RABGAP1L: variants seen among roughly 807,000 people sequenced by gnomAD.
RABGAP1L encodes the protein RAB GTPase activating protein 1 like, also known as rab GTPase-activating protein 1-like.
In RABGAP1L, 63 loss-of-function variants were observed where a neutral mutation model predicts 137.7. The observed-to-expected ratio is 0.46, with a 90% CI of 0.37 to 0.56. RABGAP1L has a LOEUF of 0.56. RABGAP1L is among the 20% of genes least tolerant of loss of function. The pLI is 0.00. For missense variants in RABGAP1L, 1,095 were observed against 1,244.0 expected, an observed-to-expected ratio of 0.88 and a Z score of 1.80; for synonymous variants, 431 against 433.7, an observed-to-expected ratio of 0.99 and a Z score of 0.08.
At chr1:174,610,336 G>C (rs1182730906) in intron 13 of RABGAP1L, among the ~76,000 whole-genome samples, 1 of 151,226 alleles carries the variant, frequency 6.6e-6, no homozygotes, top group Admixed American at 6.6e-5. Context: ...ATAGTTTACT[G>C]AGAATGATGA....
At chr1:174,888,559 A>T (rs1443335396) in intron 19 of RABGAP1L, among the ~76,000 whole-genome samples, 2 of 152,064 alleles carry the variant, frequency 1.3e-5, no homozygotes, top group Non-Finnish European at 2.9e-5. Flanking sequence ...TTTATTTTGG[A>T]AACAGAATCT....
At position 174,763,292 on chromosome 1, in the gene RABGAP1L, G is replaced by T. The variant is rs1382934717; in HGVS notation, c.2211+10938G>T. Among the ~76,000 whole-genome samples, 5 of 151,886 alleles carry T rather than the reference G, an allele frequency of 3.3e-5. No homozygotes were observed. In the East Asian group the frequency reaches 9.8e-4, roughly 30 times the overall value. ...CCAGCACTTTGGGAGGCTGAGGTGG[G>T]TGGATCAGAGGTCAGGAGATCGAGA... On this transcript the variant is annotated intron_variant, in intron 18 of 25. Transcript: ENST00000681986.
chr1:174,383,606 C>G (rs570548291), intron 12 of RABGAP1L, among the ~76,000 whole-genome samples: 5 of 152,352 alleles, frequency 3.3e-5, no homozygotes, highest in Non-Finnish European at 5.9e-5. Flanking sequence ...TCCCTGACCC[C>G]TTGCGCTTCC....
At position 174,636,765 on chromosome 1, in the gene RABGAP1L, G is replaced by GGA. The variant is rs1193727753; in HGVS notation, c.1711-600_1711-599dup. Among the ~76,000 whole-genome samples, 9 of 152,052 alleles carry GGA rather than the reference G, an allele frequency of 5.9e-5. No homozygotes were observed. The East Asian group carries it at 1.7e-3, about 29-fold the overall frequency. On this transcript the variant is annotated intron_variant, in intron 13 of 25. Coordinates refer to ENST00000681986, the MANE Select transcript of RABGAP1L (RefSeq NM_001366446.1). ...GAGTATGTATTGGAATGACAGTTCT[G>GGA]GAGAGAGAGAGTACATTCATCAAAA...
At chr1:174,695,807 A>G (rs1679209413) in intron 15 of RABGAP1L, among the ~76,000 whole-genome samples, 1 of 152,240 alleles carries the variant, frequency 6.6e-6, no homozygotes, top group South Asian at 2.1e-4. Flanking sequence ...CACTGAAGCC[A>G]TATCTGCTTT....
chr1:174,161,305 C>T (rs1664426148), intron 1 of RABGAP1L, among the ~76,000 whole-genome samples: 2 of 151,780 alleles, frequency 1.3e-5, no homozygotes, highest in Admixed American at 6.6e-5. Flanking sequence ...TGCAACAGCG[C>T]GATCTCGGCT....
chr1:174,735,538 G>A (rs1682857681), intron 17 of RABGAP1L, among the ~76,000 whole-genome samples: 1 of 141,988 alleles, frequency 7.0e-6, no homozygotes, highest in African/African-American at 2.7e-5. Flanking sequence ...CTTGAACCTG[G>A]GAGGCAGAGG....
chr1:174,841,286 G>A (rs1693367473), intron 19 of RABGAP1L, among the ~76,000 whole-genome samples: 1 of 152,084 alleles, frequency 6.6e-6, no homozygotes, highest in Admixed American at 6.5e-5. Context: ...AGCATTCTGT[G>A]ATCTCATTGC....
rs116220722 is a variant in RABGAP1L at position 174,581,031 on chromosome 1, C to T, written c.1711-56344C>T. ...CTGTAATCAAAAAGTCGAGTGTTGG[C>T]AAGGATGTAGAGAAATTGGGACCCT... On this transcript the variant is annotated intron_variant, in intron 13 of 25. Transcript: ENST00000681986. Among the ~76,000 whole-genome samples the T allele has an allele frequency of 9.5e-3, 1,449 of 152,198 alleles. 25 individuals are homozygous for T. The highest frequency in any genetic ancestry group is 0.033 in the African/African-American group (1,390 of 41,536).
At position 174,494,736 on chromosome 1, in the gene RABGAP1L, C is replaced by A. The variant is rs1483559224; in HGVS notation, c.1710+100591C>A. The stretch of plus-strand genomic sequence containing the variant: ...TTATACATATTTGCTCCGACTCTAC[C>A]TTTCACTGTGGGTTTCATTTACCCT... On this transcript the variant is annotated intron_variant, in intron 13 of 25. Coordinates refer to ENST00000681986, the MANE Select transcript of RABGAP1L (RefSeq NM_001366446.1). Among the ~76,000 whole-genome samples the A allele has an allele frequency of 6.6e-5, 10 of 152,262 alleles. No individual in the cohort carries two copies. The East Asian group carries it at 1.9e-3, about 29-fold the overall frequency.
intron 13 of RABGAP1L, among the ~76,000 whole-genome samples, chr1:174,508,602 T>C (rs2147792320): frequency 6.6e-6 from 1 of 152,286 alleles, no homozygotes; most frequent in Non-Finnish European, 1.5e-5. Flanking sequence ...CCCAGTTCCC[T>C]ATTTGAGAGA....
Position 174,381,125 on chromosome 1 carries a change from CT to C in RABGAP1L, c.1559+10054del, listed in dbSNP as rs1186670384. Reference sequence around the variant, plus strand: ...TGAGTGAGATTCTTAATCCTGAGTTCTAGTTTGATTGCACTGTGGTCTGAGA... The same window carrying C: ...TGAGTGAGATTCTTAATCCTGAGTTCAGTTTGATTGCACTGTGGTCTGAGA... On this transcript the variant is annotated intron_variant, in intron 12 of 25. Transcript: ENST00000681986. 5.8e-3 allele frequency among the ~76,000 whole-genome samples: 707 copies of C among 122,530 alleles called. 5 individuals are homozygous for C. The highest frequency in any genetic ancestry group is 8.4e-3 in the Non-Finnish European group (502 of 59,452). 80.4% of individuals were successfully genotyped at this position (122,530 alleles called of 152,430 possible).
rs372020966 is a variant in RABGAP1L, at chr1:174,188,688, T to C, written c.-34+29031T>C. On this transcript the variant is annotated intron_variant, in intron 1 of 25. Transcript: ENST00000681986. ...TAGAACTCTTGAGTGACCAGGTGCA[T>C]TGTAAATGAGCAATAATATTTTGAA... is the stretch of plus-strand genomic sequence containing the variant. 3.0e-4 allele frequency among the ~76,000 whole-genome samples: 45 copies of C among 152,314 alleles called. No homozygotes were observed. In the East Asian group the frequency reaches 8.7e-3, roughly 29 times the overall value.
intron 20 of RABGAP1L, among the ~76,000 whole-genome samples, chr1:174,964,412 T>C (rs1669435360): frequency 6.6e-6 from 1 of 152,228 alleles, no homozygotes; most frequent in South Asian, 2.1e-4. Context: ...CACATTTCTC[T>C]GGTTTCTCAT....
intron 19 of RABGAP1L, among the ~76,000 whole-genome samples, chr1:174,898,896 A>G (rs1347421396): frequency 6.6e-6 from 1 of 152,248 alleles, no homozygotes; most frequent in African/African-American, 2.4e-5. Flanking sequence ...CTTACAGTCT[A>G]GCAGGCAAGA....
At chr1:174,428,922 C>T (rs766778465) in intron 13 of RABGAP1L, among the ~76,000 whole-genome samples, 4 of 152,110 alleles carry the variant, frequency 2.6e-5, no homozygotes, top group Non-Finnish European at 5.9e-5. Flanking sequence ...AGGTTGTCTT[C>T]CAGAAAATAA....
intron 13 of RABGAP1L, among the ~76,000 whole-genome samples, chr1:174,532,281 T>A (rs2147892522): frequency 6.6e-6 from 1 of 151,914 alleles, no homozygotes; most frequent in East Asian, 1.9e-4. Context: ...CAGTCTCAGC[T>A]CACCGCAGCC....
At chr1:174,160,301 C>G (rs1027827956) in intron 1 of RABGAP1L, among the ~76,000 whole-genome samples, 1 of 152,154 alleles carries the variant, frequency 6.6e-6, no homozygotes, top group African/African-American at 2.4e-5. Context: ...TGTGAGTGCT[C>G]AGTGTCCTGA....
intron 11 of RABGAP1L, among the ~76,000 whole-genome samples, chr1:174,349,026 A>ATGGGGC: frequency 6.9e-6 from 1 of 145,086 alleles, no homozygotes; most frequent in Non-Finnish European, 1.5e-5. Flanking sequence ...CACCTCCCGG[A>ATGGGGC]CAGGGCGGCT....
Sources: allele counts gnomAD v4.1 joint callset (sites outside exome capture counted in the v4.1 genomes callset), GRCh38; gene constraint gnomAD v4.1.1; transcripts MANE v1.5; gene names NCBI Gene and HGNC (gene_info 2026-07-23, HGNC 2026-07-21).